DMD: variants seen among roughly 807,000 people sequenced by gnomAD.
The protein encoded by DMD is mutant dystrophin.
DMD carries 63 observed loss-of-function variants against 330.1 expected under a neutral mutation model. The observed-to-expected ratio is 0.19, with a 90% CI of 0.16 to 0.24. The LOEUF (loss-of-function observed/expected upper bound fraction) is 0.24. Ranked by LOEUF, DMD falls within the 10% of genes least tolerant of loss-of-function variation. The probability of loss-of-function intolerance (pLI) is 1.00; values close to 1 mark genes in which losing one functional copy is unlikely to be tolerated. For synonymous variants in DMD, 1,223 were observed against 959.8 expected, an observed-to-expected ratio of 1.27 and a Z score of -5.07; for missense variants, 3,344 against 2,684.1, an observed-to-expected ratio of 1.25 and a Z score of -5.43.
chrX:32,463,293 A>G, intron 25 of DMD, 146 bp downstream of exon 25: 1 of 444,404 alleles, frequency 2.3e-6, no homozygotes, highest in Non-Finnish European at 3.6e-6. Context: ...ATATGCTAGA[A>G]AAAAGATTAA....
intron 55 of DMD, among the ~76,000 whole-genome samples, chrX:31,580,320 G>A (rs1310237505): frequency 1.8e-5 from 2 of 111,786 alleles, no homozygotes; most frequent in African/African-American, 6.5e-5. Flanking sequence ...TTACATGTTT[G>A]CACTTCCACT....
rs1402197776 is a variant in DMD, at chrX:31,328,597, G to T, written c.9164-4939C>A. On this transcript the variant is annotated intron_variant, in intron 61 of 78. Transcript: ENST00000357033. ...AAATGTCCAGAGTACAGATTCAGAA[G>T]AACTGGATTTGAGTCCTGACTCCCC... Among the ~76,000 whole-genome samples the T allele has an allele frequency of 2.7e-5, 3 of 111,157 alleles. No homozygotes were observed. The Admixed American group carries it at 2.9e-4, about 11-fold the overall frequency.
At chrX:32,740,674 G>C (rs753240744) in intron 7 of DMD, among the ~76,000 whole-genome samples, 1 of 111,429 alleles carries the variant, frequency 9.0e-6, no homozygotes, top group South Asian at 3.8e-4. Context: ...ATCTTTTGGA[G>C]GGCATAAACT....
intron 33 of DMD, among the ~76,000 whole-genome samples, chrX:32,382,107 T>C (rs2097928392): frequency 9.0e-6 from 1 of 111,530 alleles, no homozygotes; most frequent in Non-Finnish European, 1.9e-5. Context: ...TTAGGGATGG[T>C]TCAATAAAAA....
chrX:31,977,048 G>T (rs1017994874), intron 44 of DMD, among the ~76,000 whole-genome samples: 2 of 111,821 alleles, frequency 1.8e-5, no homozygotes, highest in Admixed American at 1.9e-4. Flanking sequence ...TTGAGAACAA[G>T]ATAGATCAAT....
At chrX:31,989,887 G>C (rs1024137850) in intron 44 of DMD, among the ~76,000 whole-genome samples, 1 of 110,953 alleles carries the variant, frequency 9.0e-6, no homozygotes, top group Admixed American at 9.6e-5. Context: ...TGAGGTTTGG[G>C]CTTCTGTTGA....
At chrX:31,629,616 C>A (rs1439938656) in intron 54 of DMD, among the ~76,000 whole-genome samples, 1 of 111,803 alleles carries the variant, frequency 8.9e-6, no homozygotes, top group Non-Finnish European at 1.9e-5. Flanking sequence ...CGGCTCCCTG[C>A]TTATCTAGTT....
intron 44 of DMD, among the ~76,000 whole-genome samples, chrX:32,212,565 A>C (rs1386017769): frequency 8.9e-6 from 1 of 111,975 alleles, no homozygotes; most frequent in Non-Finnish European, 1.9e-5. Flanking sequence ...TGGGATTTGA[A>C]TCCAATCTTT....
chrX:31,649,363 C>T (rs1186928913), intron 54 of DMD, among the ~76,000 whole-genome samples: 1 of 111,390 alleles, frequency 9.0e-6, no homozygotes, highest in Non-Finnish European at 1.9e-5. Flanking sequence ...TTTTCCACAC[C>T]AGTAAATCAC....
intron 60 of DMD, among the ~76,000 whole-genome samples, chrX:31,397,421 G>A (rs1321192543): frequency 2.7e-5 from 3 of 111,983 alleles, no homozygotes; most frequent in Non-Finnish European, 3.8e-5. Flanking sequence ...AGTTTCAAGA[G>A]GGAATGAGAT....
At chrX:32,156,239 G>C (rs1232733916) in intron 44 of DMD, among the ~76,000 whole-genome samples, 2 of 111,192 alleles carry the variant, frequency 1.8e-5, no homozygotes, top group African/African-American at 6.6e-5. Context: ...AATTAGATGG[G>C]CATGGTGACG....
At chrX:33,109,736 G>C (rs543458989) in intron 1 of DMD, among the ~76,000 whole-genome samples, 1 of 111,461 alleles carries the variant, frequency 9.0e-6, no homozygotes, top group Non-Finnish European at 1.9e-5. Context: ...TCCCCTTACA[G>C]GTAGATGTTG....
intron 61 of DMD, among the ~76,000 whole-genome samples, chrX:31,339,251 A>C (rs1488201949): frequency 8.9e-6 from 1 of 111,803 alleles, no homozygotes; most frequent in Non-Finnish European, 1.9e-5. Context: ...CTGAGAGCTT[A>C]TTGGGGAGTA....
intron 50 of DMD, among the ~76,000 whole-genome samples, chrX:31,808,061 T>G (rs1164366656): frequency 8.9e-6 from 1 of 112,002 alleles, no homozygotes; most frequent in Non-Finnish European, 1.9e-5. Context: ...GCAAAATGCC[T>G]GGTACAGAGC....
At chrX:31,665,986 A>C (rs73455981) in intron 53 of DMD, among the ~76,000 whole-genome samples, 2,506 of 111,382 alleles carry the variant, frequency 0.022, 74 homozygotes, top group African/African-American at 0.078. Context: ...CTCTCTCTTT[A>C]ATTTGCTGAC....
At chrX:32,052,840 G>GA (rs2096127624) in intron 44 of DMD, among the ~76,000 whole-genome samples, 1 of 111,234 alleles carries the variant, frequency 9.0e-6, no homozygotes, top group African/African-American at 3.3e-5. Context: ...AGCAGGAGAT[G>GA]AACTGTAATT....
At chrX:33,092,450 G>C (rs1413259579) in intron 1 of DMD, among the ~76,000 whole-genome samples, 1 of 111,322 alleles carries the variant, frequency 9.0e-6, no homozygotes, top group Admixed American at 9.7e-5. Context: ...AGTCATAAGT[G>C]AACATTTTCT....
At chrX:32,447,227 G>C (rs2098309410) in intron 27 of DMD, among the ~76,000 whole-genome samples, 1 of 110,582 alleles carries the variant, frequency 9.0e-6, no homozygotes, top group Non-Finnish European at 1.9e-5. Context: ...CTTGAGACAT[G>C]TACAGTGCCA....
intron 63 of DMD, among the ~76,000 whole-genome samples, chrX:31,239,689 C>T (rs2048060131): frequency 8.9e-6 from 1 of 111,799 alleles, no homozygotes; most frequent in Non-Finnish European, 1.9e-5. Context: ...AACAAATTTT[C>T]CCAAAAGCAA....
Sources: allele counts gnomAD v4.1 joint callset (sites outside exome capture counted in the v4.1 genomes callset), GRCh38; gene constraint gnomAD v4.1.1; transcripts MANE v1.5; gene names NCBI Gene and HGNC (gene_info 2026-07-23, HGNC 2026-07-21).